Variants in DIAPH2 observed in about 807,000 individuals in gnomAD.
DIAPH2 encodes diaphanous related formin 2, also known as protein diaphanous homolog 2.
A neutral mutation model predicts 92.7 loss-of-function variants in DIAPH2; 35 were observed. That is an observed-to-expected ratio of 0.38 (90% CI 0.29 to 0.50). The LOEUF is 0.50. DIAPH2 is among the 20% of genes least tolerant of loss of function. The pLI is 0.94. For synonymous variants in DIAPH2, 301 were observed against 280.4 expected, an observed-to-expected ratio of 1.07 and a Z score of -0.73; for missense variants, 701 against 819.5, an observed-to-expected ratio of 0.86 and a Z score of 1.77.
chrX:96,854,923 T>C (rs1378170109), intron 4 of DIAPH2, among the ~76,000 whole-genome samples: 1 of 108,847 alleles, frequency 9.2e-6, no homozygotes, highest in Non-Finnish European at 1.9e-5. Context: ...TGTAACATAA[T>C]CTTTGGTTTT....
chrX:97,163,347 G>A (rs920808086), intron 22 of DIAPH2, among the ~76,000 whole-genome samples: 14 of 110,167 alleles, frequency 1.3e-4, no homozygotes, highest in African/African-American at 4.6e-4. Flanking sequence ...ATGGCACCAC[G>A]CCTGGCTGAT....
intron 26 of DIAPH2, among the ~76,000 whole-genome samples, chrX:97,489,159 A>G (rs2070708373): frequency 8.9e-6 from 1 of 112,054 alleles, no homozygotes; most frequent in East Asian, 2.8e-4. Context: ...CTCCTTGGTT[A>G]AATGTATTCC....
At chrX:97,217,395 C>G (rs753776039) in intron 22 of DIAPH2, among the ~76,000 whole-genome samples, 57 of 111,478 alleles carry the variant, frequency 5.1e-4, no homozygotes, top group Non-Finnish European at 8.7e-4. Context: ...AAAAACTGTG[C>G]CTCTGTTCCC....
Position 97,214,153 on chromosome X carries a change from A to T in DIAPH2, c.2720-33562A>T, listed in dbSNP as rs767897885. Reference sequence around the variant, plus strand: ...ATCGCTGCTACTTGATAACTTGAAGACCAATCTTCTGTTCTGACATTCCAT... The same window carrying T: ...ATCGCTGCTACTTGATAACTTGAAGTCCAATCTTCTGTTCTGACATTCCAT... On this transcript the variant is annotated intron_variant, in intron 22 of 26. Coordinates refer to ENST00000324765, the MANE Select transcript of DIAPH2 (RefSeq NM_006729.5). Among the ~76,000 whole-genome samples the T allele has an allele frequency of 6.2e-5, 7 of 112,744 alleles. No homozygotes were observed. The South Asian group carries it at 2.6e-3, about 41-fold the overall frequency.
chrX:97,203,158 C>G (rs1197666939), intron 22 of DIAPH2, among the ~76,000 whole-genome samples: 1 of 111,855 alleles, frequency 8.9e-6, no homozygotes, highest in Non-Finnish European at 1.9e-5. Context: ...ATCTCTGGGA[C>G]ACAGCTAAAG....
At chrX:97,368,420 C>T (rs1569375608) in intron 24 of DIAPH2, among the ~76,000 whole-genome samples, 2 of 112,140 alleles carry the variant, frequency 1.8e-5, no homozygotes, top group Non-Finnish European at 3.8e-5. Flanking sequence ...ATTCTTTAAA[C>T]AGTGGAGGAT....
intron 23 of DIAPH2, among the ~76,000 whole-genome samples, chrX:97,338,383 G>T (rs753253844): frequency 2.7e-5 from 3 of 111,825 alleles, no homozygotes; most frequent in Admixed American, 9.5e-5. Flanking sequence ...ACATTTCTTT[G>T]AAATGTTAAT....
intron 23 of DIAPH2, among the ~76,000 whole-genome samples, chrX:97,340,633 G>T (rs2069104106): frequency 9.1e-6 from 1 of 109,390 alleles, no homozygotes; most frequent in African/African-American, 3.3e-5. Context: ...TAGCCTTGCT[G>T]GTTTTTTGTT....
intron 10 of DIAPH2, among the ~76,000 whole-genome samples, chrX:96,933,251 TCTTTTCCTTTTC>T (rs1322857592): frequency 9.0e-6 from 1 of 111,216 alleles, no homozygotes; most frequent in Non-Finnish European, 1.9e-5. Context: ...CGCAGGTATT[TCTTTTCCTTTTC>T]CTTTTCCTTT....
At chrX:97,115,333 C>T (rs1462773153) in intron 21 of DIAPH2, among the ~76,000 whole-genome samples, 1 of 110,200 alleles carries the variant, frequency 9.1e-6, no homozygotes, top group African/African-American at 3.3e-5. Flanking sequence ...GTCAGGAGTT[C>T]GAGAACAGCC....
chrX:97,393,566 A>G (rs1245575691), intron 25 of DIAPH2, among the ~76,000 whole-genome samples: 1 of 111,873 alleles, frequency 8.9e-6, no homozygotes, highest in Admixed American at 9.5e-5. Context: ...AAACTATGTA[A>G]AGTACTTGGT....
At chrX:97,476,984 T>TATACACACAC (rs1280074551) in intron 26 of DIAPH2, among the ~76,000 whole-genome samples, 9 of 57,068 alleles carry the variant, frequency 1.6e-4, no homozygotes, top group African/African-American at 7.7e-4. Context: ...TATATATATA[T>TATACACACAC]ACACACACAC....
intron 23 of DIAPH2, among the ~76,000 whole-genome samples, chrX:97,296,800 G>A (rs867226671): frequency 9.0e-4 from 93 of 103,251 alleles, no homozygotes; most frequent in Admixed American, 2.5e-3. Flanking sequence ...TTTTTGAGAC[G>A]GAGTTTTGCT....
chrX:96,834,250 A>G (rs1569408624), intron 4 of DIAPH2, among the ~76,000 whole-genome samples: 1 of 111,711 alleles, frequency 9.0e-6, no homozygotes, highest in Non-Finnish European at 1.9e-5. Flanking sequence ...ATTTTGGGTT[A>G]GTGATGCTCA....
intron 17 of DIAPH2, among the ~76,000 whole-genome samples, chrX:97,060,398 A>T (rs1325693719): frequency 9.0e-6 from 1 of 111,081 alleles, no homozygotes; most frequent in African/African-American, 3.3e-5. Context: ...AAAACCTTCA[A>T]TTTGTAGGAT....
intron 26 of DIAPH2, among the ~76,000 whole-genome samples, chrX:97,509,024 T>G: frequency 1.1e-5 from 1 of 93,656 alleles, no homozygotes; most frequent in East Asian, 3.0e-4. Flanking sequence ...TATTTATTTA[T>G]TTATTTATTT....
intron 5 of DIAPH2, among the ~76,000 whole-genome samples, chrX:96,891,499 C>G (rs1474717026): frequency 8.9e-6 from 1 of 111,905 alleles, no homozygotes; most frequent in African/African-American, 3.2e-5. Context: ...TGAAAGGAAG[C>G]AGTGCCTGCT....
At chrX:96,770,197 C>CA (rs539855244) in intron 4 of DIAPH2, among the ~76,000 whole-genome samples, 3,445 of 54,546 alleles carry the variant, frequency 0.063, 170 homozygotes, top group African/African-American at 0.19. Context: ...GACTGTGTCT[C>CA]AAAAAAAAAA....
chrX:96,809,253 A>G (rs2064654419), intron 4 of DIAPH2, among the ~76,000 whole-genome samples: 1 of 109,794 alleles, frequency 9.1e-6, no homozygotes, highest in South Asian at 3.9e-4. Context: ...CAAAAAAGTA[A>G]TCTCCCTATT....
Sources: gnomAD v4.1 joint callset for allele counts (sites outside exome capture counted in the v4.1 genomes callset) on GRCh38, gnomAD v4.1.1 for gene constraint, MANE v1.5 for transcripts, NCBI Gene and HGNC (gene_info 2026-07-23, HGNC 2026-07-21) for gene names.